The following SRC variants were observed in gnomAD, a reference collection of about 807,000 sequenced individuals.
SRC encodes SRC proto-oncogene, non-receptor tyrosine kinase.
SRC carries 13 observed loss-of-function variants against 62.9 expected under a neutral mutation model. That is an observed-to-expected ratio of 0.21 (90% CI 0.13 to 0.33). The LOEUF is 0.33. Ranked by LOEUF, SRC falls within the 10% of genes least tolerant of loss-of-function variation. SRC has a pLI of 1.00. For synonymous variants in SRC, 302 were observed against 317.5 expected (o/e 0.95, Z 0.52); for missense variants, 457 against 737.3 (o/e 0.62, Z 4.40).
At chr20:37,356,812 G>A (rs992845944) in intron 1 of SRC, among the ~76,000 whole-genome samples, 6 of 151,952 alleles carry the variant, frequency 3.9e-5, no homozygotes, top group Non-Finnish European at 8.8e-5. Context: ...CTCTAGACAG[G>A]GGGAGTTGAG....
Position 37,357,020 on chromosome 20 carries a change from C to A in SRC, c.-246-8184C>A, listed in dbSNP as rs76012390. On this transcript the variant is annotated intron_variant, in intron 1 of 13. Transcript: ENST00000373578. ...AAGAGCTGTGCCAGCACTCTGCCCG[C>A]CTCGTGGGTCTGTGTCTAGAGCTGT... 6.3e-3 allele frequency among the ~76,000 whole-genome samples: 952 copies of A among 152,314 alleles called. 3 individuals carry two copies. The highest frequency in any genetic ancestry group is 0.011 in the Non-Finnish European group (727 of 68,028).
rs769497628 is a variant in SRC, at chr20:37,398,075, G to A, written c.859+221G>A. On this transcript the variant is annotated intron_variant, in intron 9 of 13. Coordinates refer to ENST00000373578, the MANE Select transcript of SRC (RefSeq NM_198291.3). This position sits in a 1 kb window ranked among gnomAD's most constrained non-coding sequence, Gnocchi z 5.2. ...ACCATAGTGCCTGATTCCAAGATCC[G>A]CACAGGGCTGGGCATTGCACAGACC... Among the ~76,000 whole-genome samples, 9 of 152,188 alleles carry A rather than the reference G, an allele frequency of 5.9e-5. No individual in the cohort carries two copies. The highest frequency in any genetic ancestry group is 1.3e-4 in the Non-Finnish European group (9 of 68,038).
chr20:37,393,807 T>C, intron 5 of SRC, 88 bp from the exon 6 acceptor site: 5 of 1,011,502 alleles, frequency 4.9e-6, no homozygotes, highest in Non-Finnish European at 7.6e-6. Context: ...ACTAGAGCCC[T>C]GAGCACAGCA....
At chr20:37,359,980 C>T (rs1488050212) in intron 1 of SRC, among the ~76,000 whole-genome samples, 1 of 151,844 alleles carries the variant, frequency 6.6e-6, no homozygotes, top group Non-Finnish European at 1.5e-5. Context: ...AGAATGAACC[C>T]CATGAACCCA....
intron 5 of SRC, among the ~76,000 whole-genome samples, chr20:37,390,017 G>T (rs988698282): frequency 6.6e-6 from 1 of 152,164 alleles, no homozygotes; most frequent in East Asian, 1.9e-4. Flanking sequence ...AGCCTCCCAA[G>T]CCCTTGACAT....
chr20:37,399,537 G>T (rs1156599711), intron 9 of SRC, among the ~76,000 whole-genome samples: 1 of 151,592 alleles, frequency 6.6e-6, no homozygotes, highest in Admixed American at 6.6e-5. Flanking sequence ...CTAATAAGCT[G>T]CTTTTTAGGA....
intron 1 of SRC, among the ~76,000 whole-genome samples, chr20:37,358,040 T>C (rs1245401997): frequency 2.6e-5 from 4 of 152,062 alleles, no homozygotes; most frequent in Non-Finnish European, 4.4e-5. Context: ...GTGGGTTCTG[T>C]GGGTGGTATT....
intron 5 of SRC, among the ~76,000 whole-genome samples, chr20:37,389,825 A>G (rs1422034591): frequency 6.6e-6 from 1 of 152,104 alleles, no homozygotes; most frequent in Non-Finnish European, 1.5e-5. Context: ...GTGAAAAATC[A>G]TGGCTCTGGG....
At chr20:37,353,831 G>C (rs138306781) in intron 1 of SRC, among the ~76,000 whole-genome samples, 1 of 152,320 alleles carries the variant, frequency 6.6e-6, no homozygotes, top group Admixed American at 6.5e-5. Context: ...TCACTGGGCA[G>C]CGTGAAGACA....
chr20:37,403,673 A>AG lies in SRC; in HGVS notation c.*296dup, dbSNP rs1032792027. On this transcript the variant is annotated 3_prime_UTR_variant, in exon 14 of 14. Transcript: ENST00000373578. The surrounding 1 kb of genome is among the most constrained non-coding windows in gnomAD (Gnocchi z 7.1). The stretch of plus-strand genomic sequence containing the variant: ...TCTGTGGGTCTCTGGAAGAGGAACC[A>AG]GGAGAAGGGCTGGGGCCGGGGCTGA... 9.1e-5 allele frequency: 42 copies of AG among 463,832 alleles called. No individual in the cohort carries two copies. The highest frequency in any genetic ancestry group is 1.7e-4 in the Non-Finnish European group (42 of 254,506). 28.7% of individuals were successfully genotyped at this position (463,832 alleles called of 1,614,324 possible).
At chr20:37,362,484 C>G (rs2069989895) in intron 1 of SRC, among the ~76,000 whole-genome samples, 1 of 152,150 alleles carries the variant, frequency 6.6e-6, no homozygotes, top group Admixed American at 6.5e-5. Flanking sequence ...GGGCCTGGTG[C>G]CCCAAGAATC....
At position 37,402,177 on chromosome 20, in the gene SRC, C is replaced by T; in HGVS notation, c.1117-258C>T. On this transcript the variant is annotated intron_variant, in intron 11 of 13. Coordinates refer to ENST00000373578, the MANE Select transcript of SRC (RefSeq NM_198291.3). This position sits in a 1 kb window ranked among gnomAD's most constrained non-coding sequence, Gnocchi z 6.2. ...CCTCTTTCCCTGGTCACCTCGCTTT[C>T]CTGGCTGCATCGGATCTCGTGCCTC... The T allele has an allele frequency of 2.2e-6, 1 of 444,452 alleles. No individual in the cohort carries two copies. The highest frequency in any genetic ancestry group is 4.0e-6 in the Non-Finnish European group (1 of 250,348). 27.5% of individuals were successfully genotyped at this position (444,452 alleles called of 1,614,324 possible).
chr20:37,353,055 C>T (rs1466347934), intron 1 of SRC, among the ~76,000 whole-genome samples: 1 of 152,164 alleles, frequency 6.6e-6, no homozygotes, highest in Non-Finnish European at 1.5e-5. Flanking sequence ...ATTCTTTTTG[C>T]CTCTAAGGGA....
At chr20:37,380,804 C>T (rs1268097309) in intron 2 of SRC, among the ~76,000 whole-genome samples, 1 of 152,168 alleles carries the variant, frequency 6.6e-6, no homozygotes, top group Non-Finnish European at 1.5e-5. Context: ...CGCACCACCA[C>T]ACCCAGGTGT....
At chr20:37,399,872 G>A (rs985532655) in intron 9 of SRC, among the ~76,000 whole-genome samples, 4 of 152,174 alleles carry the variant, frequency 2.6e-5, no homozygotes, top group Admixed American at 6.5e-5. Flanking sequence ...TCACAGTCCC[G>A]ACAACAGCTA....
intron 10 of SRC, among the ~76,000 whole-genome samples, chr20:37,400,559 A>AT (rs2147118026): frequency 6.6e-6 from 1 of 151,886 alleles, no homozygotes; most frequent in South Asian, 2.1e-4. Context: ...CTAATTTTTT[A>AT]TTTTTTGTAG....
chr20:37,345,055 C>A (rs1158277950), upstream of SRC, among the ~76,000 whole-genome samples: 4 of 152,160 alleles, frequency 2.6e-5, no homozygotes, highest in Admixed American at 2.6e-4. Context: ...CTAGGGTGCT[C>A]CTCCCAGCTC....
At chr20:37,393,505 C>G (rs1253735009) in intron 5 of SRC, among the ~76,000 whole-genome samples, 1 of 152,178 alleles carries the variant, frequency 6.6e-6, no homozygotes. Context: ...CTTACTTGCC[C>G]GCAGAGACAG....
intron 2 of SRC, among the ~76,000 whole-genome samples, chr20:37,378,812 T>C (rs569006437): frequency 7.2e-5 from 11 of 151,866 alleles, no homozygotes; most frequent in Middle Eastern, 3.4e-3. Flanking sequence ...AGGCCTAGGA[T>C]CACAGGGCCC....
Sources: allele counts gnomAD v4.1 joint callset (sites outside exome capture counted in the v4.1 genomes callset), GRCh38; gene constraint gnomAD v4.1.1; non-coding constraint Gnocchi (gnomAD v3.1); transcripts MANE v1.5; gene names NCBI Gene and HGNC (gene_info 2026-07-23, HGNC 2026-07-21).